Variants in CUX2 observed in about 807,000 individuals in gnomAD.
The protein encoded by CUX2 is cut like homeobox 2, also known as homeobox protein cut-like 2.
A neutral mutation model predicts 144.8 loss-of-function variants in CUX2; 40 were observed. That is an observed-to-expected ratio of 0.28 (90% CI 0.21 to 0.36). The LOEUF (loss-of-function observed/expected upper bound fraction) is 0.36, where lower values mean the gene tolerates loss of function less well. CUX2 is among the 10% of genes least tolerant of loss of function. The probability of loss-of-function intolerance (pLI) is 1.00; values close to 1 mark genes in which losing one functional copy is unlikely to be tolerated. For synonymous variants in CUX2, 827 were observed against 875.6 expected (o/e 0.94, Z 0.98); for missense variants, 1,615 against 1,994.0 (o/e 0.81, Z 3.62).
intron 1 of CUX2, among the ~76,000 whole-genome samples, chr12:111,202,248 GTCC>G (rs1880640710): frequency 6.6e-6 from 1 of 152,188 alleles, no homozygotes; most frequent in African/African-American, 2.4e-5. Flanking sequence ...GGCACAAGGG[GTCC>G]CCAGCCCCTC....
intron 1 of CUX2, among the ~76,000 whole-genome samples, chr12:111,110,121 A>G (rs1228550564): frequency 7.9e-5 from 12 of 151,446 alleles, no homozygotes; most frequent in Admixed American, 7.2e-4. Context: ...AGGCTCAAGC[A>G]ATCCTCCCAC....
At chr12:111,275,457 C>T (rs996112003) in intron 4 of CUX2, among the ~76,000 whole-genome samples, 16 of 152,320 alleles carry the variant, frequency 1.1e-4, no homozygotes, top group Middle Eastern at 3.4e-3. Context: ...CACACCCCTG[C>T]GTGGGGCTGG....
intron 1 of CUX2, among the ~76,000 whole-genome samples, chr12:111,158,484 A>AC (rs966768723): frequency 4.0e-5 from 6 of 150,942 alleles, no homozygotes; most frequent in African/African-American, 1.5e-4. Context: ...AAAAAAAAAA[A>AC]AAAAGCTCAG....
intron 1 of CUX2, among the ~76,000 whole-genome samples, chr12:111,140,718 C>T (rs975745681): frequency 1.3e-5 from 2 of 152,236 alleles, no homozygotes; most frequent in African/African-American, 4.8e-5. Context: ...GCCCTTGTCA[C>T]ACTCCAGTTG....
chr12:111,349,146 G>A lies in CUX2; in HGVS notation c.*821G>A, dbSNP rs1888946070. ...CACAGGTCTCACTAGTTAGAAACCT[G>A]TGGGCCATGGAGGTCAGACATCCAT... On this transcript the variant is annotated 3_prime_UTR_variant, in exon 22 of 22. Coordinates refer to ENST00000261726, the MANE Select transcript of CUX2 (RefSeq NM_015267.4). 6.6e-6 allele frequency: 1 copy of A among 152,376 alleles called. No homozygotes were observed. Among genetic ancestry groups the A allele is most frequent in the Non-Finnish European group, 1.5e-5 (1 of 68,076 alleles). 9.4% of individuals were successfully genotyped at this position (152,376 alleles called of 1,614,324 possible). A position where few individuals can be genotyped will look rare whatever the true frequency, so the allele number is the denominator to read the frequency against.
intron 1 of CUX2, among the ~76,000 whole-genome samples, chr12:111,165,354 C>G (rs1375328803): frequency 6.6e-6 from 1 of 152,156 alleles, no homozygotes; most frequent in African/African-American, 2.4e-5. Flanking sequence ...CCAGAGTGAC[C>G]TCATTGAGGC....
chr12:111,305,030 G>A (rs1886504832), intron 10 of CUX2, among the ~76,000 whole-genome samples: 1 of 152,236 alleles, frequency 6.6e-6, no homozygotes, highest in South Asian at 2.1e-4. Flanking sequence ...AGGTTCTTGT[G>A]TTAGGCCTGA....
intron 1 of CUX2, among the ~76,000 whole-genome samples, chr12:111,202,698 A>G (rs1880671715): frequency 1.3e-5 from 2 of 152,190 alleles, no homozygotes; most frequent in Non-Finnish European, 2.9e-5. Context: ...GGAGGCGGGC[A>G]GGGAAAGCAG....
chr12:111,294,825 G>C (rs1182176216), intron 6 of CUX2, among the ~76,000 whole-genome samples: 1 of 152,006 alleles, frequency 6.6e-6, no homozygotes, highest in African/African-American at 2.4e-5. Context: ...TTGAACCTGG[G>C]AGGCGGAGGT....
At chr12:111,102,031 C>T (rs547228779) in intron 1 of CUX2, among the ~76,000 whole-genome samples, 2 of 152,316 alleles carry the variant, frequency 1.3e-5, no homozygotes, top group Admixed American at 6.5e-5. Context: ...AACGTCCTGT[C>T]GGCACACAAT....
At chr12:111,089,185 C>T (rs1322542547) in intron 1 of CUX2, among the ~76,000 whole-genome samples, 1 of 152,240 alleles carries the variant, frequency 6.6e-6, no homozygotes, top group Non-Finnish European at 1.5e-5. Context: ...TTCCTGTTCT[C>T]AGAGCATCTT....
rs1423100795 is a variant in CUX2 at position 111,037,980 on chromosome 12, A to G, written c.63+3740A>G. ...TAGTACTAATCTGGGAGGAAGGGGC[A>G]AATTCTGCTTCGGGTGTCAGCAGTT... On this transcript the variant is annotated intron_variant, in intron 1 of 21. Transcript: ENST00000261726. The surrounding 1 kb of genome is among the most constrained non-coding windows in gnomAD (Gnocchi z 5.4). Among the ~76,000 whole-genome samples, 1 of 152,206 alleles carries G rather than the reference A, an allele frequency of 6.6e-6. No homozygotes were observed. Among genetic ancestry groups the G allele is most frequent in the African/African-American group, 2.4e-5 (1 of 41,448 alleles).
intron 1 of CUX2, among the ~76,000 whole-genome samples, chr12:111,038,136 C>CAA (rs1418970348): frequency 6.6e-6 from 1 of 152,124 alleles, no homozygotes; most frequent in Non-Finnish European, 1.5e-5. Flanking sequence ...TTCCCCTGCT[C>CAA]AAAGTTTAGA....
chr12:111,126,163 C>T (rs891577539), intron 1 of CUX2, among the ~76,000 whole-genome samples: 4 of 149,258 alleles, frequency 2.7e-5, no homozygotes, highest in African/African-American at 5.0e-5. Context: ...GGCTGGAGTG[C>T]GGGGACATAA....
chr12:111,116,804 A>AGC, intron 1 of CUX2, among the ~76,000 whole-genome samples: 1 of 152,214 alleles, frequency 6.6e-6, no homozygotes, highest in African/African-American at 2.4e-5. Context: ...ACTTTATCAC[A>AGC]ACCAGAGATC....
intron 1 of CUX2, among the ~76,000 whole-genome samples, chr12:111,048,669 T>C (rs1465540171): frequency 6.6e-6 from 1 of 152,030 alleles, no homozygotes; most frequent in African/African-American, 2.4e-5. Flanking sequence ...TGTTTCCAGG[T>C]GCCACTTGTT....
At chr12:111,201,060 A>T (rs1880553072) in intron 1 of CUX2, among the ~76,000 whole-genome samples, 1 of 151,978 alleles carries the variant, frequency 6.6e-6, no homozygotes, top group African/African-American at 2.4e-5. Context: ...CCTGGGCTAA[A>T]ATGGCTTGTG....
At chr12:111,306,833 T>C in intron 10 of CUX2, 88 bp from the exon 11 acceptor site, 1 of 1,125,544 alleles carries the variant, frequency 8.9e-7, no homozygotes. Context: ...CAAATTTGCA[T>C]TCTGCTTGGG....
intron 19 of CUX2, among the ~76,000 whole-genome samples, chr12:111,336,667 C>A (rs569528773): frequency 6.6e-6 from 1 of 151,750 alleles, no homozygotes; most frequent in South Asian, 2.1e-4. Flanking sequence ...AGACTGGTCA[C>A]GAACTCTTGA....
Sources: allele counts gnomAD v4.1 joint callset (sites outside exome capture counted in the v4.1 genomes callset), GRCh38; gene constraint gnomAD v4.1.1; non-coding constraint Gnocchi (gnomAD v3.1); transcripts MANE v1.5; gene names NCBI Gene and HGNC (gene_info 2026-07-23, HGNC 2026-07-21).